Variants in CFAP54 observed in about 807,000 individuals in gnomAD.
The protein encoded by CFAP54 is cilia and flagella associated protein 54, also known as cilia- and flagella-associated protein 54.
Under a neutral mutation model 370.4 loss-of-function variants are expected in CFAP54, and 290 were observed. The observed-to-expected ratio is 0.78, with a 90% CI of 0.71 to 0.86. The LOEUF (loss-of-function observed/expected upper bound fraction) is 0.86, where lower values mean the gene tolerates loss of function less well. CFAP54 is among the 40% of genes least tolerant of loss of function. CFAP54 has a pLI of 0.00. For missense variants in CFAP54, 3,399 were observed against 3,528.7 expected, an observed-to-expected ratio of 0.96 and a Z score of 0.93; for synonymous variants, 1,206 against 1,236.5, an observed-to-expected ratio of 0.98 and a Z score of 0.52.
intron 39 of CFAP54, among the ~76,000 whole-genome samples, chr12:96,673,379 CT>C (rs1322973104): frequency 6.6e-6 from 1 of 152,260 alleles, no homozygotes; most frequent in South Asian, 2.1e-4. Flanking sequence ...AAGAAGTTTG[CT>C]GTATTTCAGT....
At chr12:96,783,605 G>A (rs1430358317) in intron 60 of CFAP54, among the ~76,000 whole-genome samples, 1 of 152,222 alleles carries the variant, frequency 6.6e-6, no homozygotes, top group Non-Finnish European at 1.5e-5. Context: ...AAAAGTAAGA[G>A]GTCGGGCGCA....
chr12:96,632,080 T>A (rs1956615887), intron 32 of CFAP54, among the ~76,000 whole-genome samples: 1 of 152,000 alleles, frequency 6.6e-6, no homozygotes, highest in African/African-American at 2.4e-5. Context: ...TTTTCATTTC[T>A]TTGATTCCTA....
chr12:96,606,974 G>A (rs929854857), intron 26 of CFAP54, among the ~76,000 whole-genome samples: 1 of 152,182 alleles, frequency 6.6e-6, no homozygotes, highest in Non-Finnish European at 1.5e-5. Context: ...TGCTGTGTAG[G>A]TGAGCTCATT....
At chr12:96,762,719 G>T (rs886825928) in intron 58 of CFAP54, among the ~76,000 whole-genome samples, 1 of 152,150 alleles carries the variant, frequency 6.6e-6, no homozygotes, top group South Asian at 2.1e-4. Flanking sequence ...TATGTAGTCA[G>T]TAAGTTAGCA....
intron 50 of CFAP54, among the ~76,000 whole-genome samples, chr12:96,730,810 C>A (rs548000498): frequency 6.6e-6 from 1 of 152,310 alleles, no homozygotes; most frequent in South Asian, 2.1e-4. Flanking sequence ...ATATAATCAT[C>A]TCATCAGTAT....
At chr12:96,617,862 C>T (rs1336243332) in intron 26 of CFAP54, among the ~76,000 whole-genome samples, 4 of 151,740 alleles carry the variant, frequency 2.6e-5, no homozygotes, top group Admixed American at 6.6e-5. Flanking sequence ...AGGTGGCGGG[C>T]GCCTGTAGTC....
intron 15 of CFAP54, among the ~76,000 whole-genome samples, chr12:96,553,454 G>GT (rs1227372342): frequency 9.4e-5 from 14 of 149,344 alleles, no homozygotes; most frequent in Non-Finnish European, 7.4e-5. Flanking sequence ...GAGAAGAGGA[G>GT]TGGCACTGTG....
At chr12:96,679,478 G>A (rs1021222112) in intron 39 of CFAP54, 122 bp from the exon 40 acceptor site, 1 of 989,978 alleles carries the variant, frequency 1.0e-6, no homozygotes, top group Non-Finnish European at 1.4e-6. Flanking sequence ...CAGATCTGGG[G>A]GCTTTGAATT....
At chr12:96,754,303 G>A (rs1958225777) in intron 56 of CFAP54, among the ~76,000 whole-genome samples, 1 of 152,122 alleles carries the variant, frequency 6.6e-6, no homozygotes, top group Admixed American at 6.5e-5. Context: ...CATACTCATT[G>A]AAATTAAATA....
chr12:96,703,133 C>T (rs1026719596), intron 46 of CFAP54, among the ~76,000 whole-genome samples: 6 of 152,044 alleles, frequency 3.9e-5, no homozygotes, highest in African/African-American at 1.2e-4. Flanking sequence ...TGTGATATAT[C>T]GTTTTGGGAG....
At chr12:96,704,863 C>G (rs1957531354) in intron 47 of CFAP54, 67 bp downstream of exon 47, 1 of 550,042 alleles carries the variant, frequency 1.8e-6, no homozygotes, top group Non-Finnish European at 3.1e-6. Flanking sequence ...TCATTCTAAT[C>G]TATTTGGTTG....
rs115267183 is a variant in CFAP54 at position 96,630,079 on chromosome 12, A to T, written c.4104-14A>T. On this transcript the variant is annotated splice_polypyrimidine_tract_variant and intron_variant, in intron 30 of 67. Coordinates refer to ENST00000524981, the MANE Select transcript of CFAP54 (RefSeq NM_001306084.2). ...TTTGCAGGTCTTTTTGACTGACTTT[A>T]TCTTTTTTATTAGGAGAAATGAGTC... is the stretch of plus-strand genomic sequence containing the variant. The T allele has an allele frequency of 3.6e-3, 4,874 of 1,347,954 alleles. 150 individuals are homozygous for T. The African/African-American group carries it at 0.065, about 18-fold the overall frequency. The allele number at this position is 1,347,954 out of a possible 1,614,324, so 83.5% of individuals were successfully genotyped here. A position where few individuals can be genotyped will look rare whatever the true frequency, so the allele number is the denominator to read the frequency against.
chr12:96,766,910 T>A (rs1242224685), intron 60 of CFAP54, among the ~76,000 whole-genome samples: 3 of 152,174 alleles, frequency 2.0e-5, no homozygotes, highest in East Asian at 3.9e-4. Context: ...AGCTCATGTG[T>A]TCTGCTTCAG....
chr12:96,557,645 T>C (rs1462126796), intron 17 of CFAP54, among the ~76,000 whole-genome samples: 1 of 152,110 alleles, frequency 6.6e-6, no homozygotes, highest in Non-Finnish European at 1.5e-5. Context: ...AACATAATTT[T>C]TGTTTTAAAA....
At chr12:96,627,022 C>A in intron 30 of CFAP54, 83 bp downstream of exon 30, 3 of 1,024,098 alleles carry the variant, frequency 2.9e-6, no homozygotes, top group Non-Finnish European at 3.8e-6. Context: ...ATAAGGTAGA[C>A]GAAAAAGAGA....
In CFAP54 at chr12:96,558,905, C is replaced by T. The variant is rs1817639664; in HGVS notation, c.2410+4103C>T. 2.6e-5 allele frequency among the ~76,000 whole-genome samples: 4 copies of T among 152,202 alleles called. No homozygotes were observed. In the South Asian group the frequency reaches 8.3e-4, roughly 32 times the overall value. ...ATCATATCAAGTTAAAAAGCTTCTGCCCAGCAAAGGATACAATCAGCGAAG... is the reference window on the plus strand; with the variant it reads ...ATCATATCAAGTTAAAAAGCTTCTGTCCAGCAAAGGATACAATCAGCGAAG... On this transcript the variant is annotated intron_variant, in intron 17 of 67. Coordinates refer to ENST00000524981, the MANE Select transcript of CFAP54 (RefSeq NM_001306084.2).
intron 66 of CFAP54, among the ~76,000 whole-genome samples, chr12:96,856,218 A>G (rs1959700019): frequency 6.6e-6 from 1 of 151,892 alleles, no homozygotes; most frequent in Non-Finnish European, 1.5e-5. Flanking sequence ...TCCCTCCTAG[A>G]CCCTGGGCCT....
intron 25 of CFAP54, among the ~76,000 whole-genome samples, chr12:96,595,517 A>G (rs1956168637): frequency 6.6e-6 from 1 of 152,192 alleles, no homozygotes; most frequent in African/African-American, 2.4e-5. Flanking sequence ...GTCATCCTAG[A>G]AGATGTGAGT....
intron 22 of CFAP54, among the ~76,000 whole-genome samples, chr12:96,584,722 T>C (rs1159609881): frequency 1.3e-5 from 2 of 152,142 alleles, no homozygotes; most frequent in East Asian, 3.8e-4. Flanking sequence ...AAAACCCTGA[T>C]TGCAAGTCAT....
Sources: gnomAD v4.1 joint callset for allele counts (sites outside exome capture counted in the v4.1 genomes callset) on GRCh38, gnomAD v4.1.1 for gene constraint, MANE v1.5 for transcripts, NCBI Gene and HGNC (gene_info 2026-07-23, HGNC 2026-07-21) for gene names.